NPNT: variants seen among roughly 807,000 people sequenced by gnomAD.
NPNT encodes the protein nephronectin, also known as preosteoblast EGF-like repeat protein with MAM domain.
In NPNT, 45 loss-of-function variants were observed where a neutral mutation model predicts 68.6. That is an observed-to-expected ratio of 0.66 (90% CI 0.52 to 0.84). The LOEUF (loss-of-function observed/expected upper bound fraction) is 0.84, where lower values mean the gene tolerates loss of function less well. NPNT is among the 40% of genes least tolerant of loss of function. NPNT has a pLI of 0.00. For missense variants in NPNT, 672 were observed against 714.8 expected, an observed-to-expected ratio of 0.94 and a Z score of 0.68; for synonymous variants, 233 against 253.3, an observed-to-expected ratio of 0.92 and a Z score of 0.76.
At chr4:105,904,644 C>G (rs1726729158) in intron 2 of NPNT, among the ~76,000 whole-genome samples, 1 of 152,076 alleles carries the variant, frequency 6.6e-6, no homozygotes, top group Non-Finnish European at 1.5e-5. Flanking sequence ...TTAGGAATTG[C>G]TTAATTCATT....
intron 8 of NPNT, 130 bp from the exon 9 acceptor site, chr4:105,958,340 TA>T: frequency 2.1e-6 from 1 of 474,262 alleles, no homozygotes; most frequent in South Asian, 5.6e-5. Context: ...GATATATAAT[TA>T]AATATTTTGG....
In NPNT at chr4:105,970,674, CTCTT is replaced by C. The variant is rs902878068; in HGVS notation, c.*1688_*1691del. 3 of 536,628 alleles carry C rather than the reference CTCTT, an allele frequency of 5.6e-6. No individual in the cohort carries two copies. Among genetic ancestry groups the C allele is most frequent in the East Asian group, 3.6e-5 (1 of 27,656 alleles). The allele number at this position is 536,628 out of a possible 1,614,324, so 33.2% of individuals were successfully genotyped here. On this transcript the variant is annotated 3_prime_UTR_variant, in exon 12 of 12. Transcript: ENST00000379987. ...AGTGTGAAAATCTCAGTATCTCTCT[CTCTT>C]TCTAAAAAATTAGATAAAAATTTGT...
At chr4:105,897,034 T>C (rs1007808511) in intron 1 of NPNT, among the ~76,000 whole-genome samples, 2 of 152,238 alleles carry the variant, frequency 1.3e-5, no homozygotes, top group Non-Finnish European at 2.9e-5. Context: ...ATGCATATGA[T>C]GTGAATGCAT....
At chr4:105,940,871 C>G (rs922287332) in intron 7 of NPNT, among the ~76,000 whole-genome samples, 1 of 152,150 alleles carries the variant, frequency 6.6e-6, no homozygotes, top group African/African-American at 2.4e-5. Context: ...TCACTGAAAT[C>G]TCTCAATATT....
intron 3 of NPNT, among the ~76,000 whole-genome samples, chr4:105,930,222 A>G (rs971925987): frequency 6.6e-6 from 1 of 152,194 alleles, no homozygotes; most frequent in Admixed American, 6.5e-5. Flanking sequence ...TCTGATTTCT[A>G]AGTTCCTGAA....
chr4:105,968,993 A>G lies in NPNT; in HGVS notation c.*3A>G, dbSNP rs752932634. 9 of 1,563,656 alleles carry G rather than the reference A, an allele frequency of 5.8e-6. No homozygotes were observed. The South Asian group carries it at 8.9e-5, about 15-fold the overall frequency. On this transcript the variant is annotated 3_prime_UTR_variant, in exon 12 of 12. Coordinates refer to ENST00000379987, the MANE Select transcript of NPNT (RefSeq NM_001033047.3). ...GCCACTGCTCTGAAGAACGCTAACA[A>G]CTCCAGAACTAACAATGAACTCCTA... is the stretch of plus-strand genomic sequence containing the variant.
chr4:105,934,384 A>C (rs1317958495), intron 3 of NPNT, among the ~76,000 whole-genome samples: 1 of 152,194 alleles, frequency 6.6e-6, no homozygotes, highest in Non-Finnish European at 1.5e-5. Context: ...AGGATGCCAG[A>C]TGCATTTAAT....
At chr4:105,906,857 C>T (rs1449392253) in intron 2 of NPNT, among the ~76,000 whole-genome samples, 1 of 152,080 alleles carries the variant, frequency 6.6e-6, no homozygotes, top group Non-Finnish European at 1.5e-5. Flanking sequence ...AATTCACCAC[C>T]ATTTTGCTAT....
At chr4:105,905,022 C>T (rs1726767437) in intron 2 of NPNT, among the ~76,000 whole-genome samples, 1 of 151,892 alleles carries the variant, frequency 6.6e-6, no homozygotes, top group African/African-American at 2.4e-5. Flanking sequence ...AGGCATGAGA[C>T]ACCGCGCCCG....
At chr4:105,968,747 T>C in intron 11 of NPNT, 148 bp from the exon 12 acceptor site, 1 of 571,842 alleles carries the variant, frequency 1.7e-6, no homozygotes, top group Non-Finnish European at 3.2e-6. Context: ...GAAGCTTCAG[T>C]GATACTGGCA....
intron 11 of NPNT, among the ~76,000 whole-genome samples, chr4:105,968,313 A>G (rs1560548687): frequency 6.6e-6 from 1 of 152,240 alleles, no homozygotes; most frequent in Non-Finnish European, 1.5e-5. Context: ...CAAGATAATC[A>G]TTTTAAATCA....
intron 5 of NPNT, among the ~76,000 whole-genome samples, chr4:105,939,439 A>C (rs2149372042): frequency 6.6e-6 from 1 of 152,226 alleles, no homozygotes; most frequent in Middle Eastern, 3.4e-3. Context: ...ATAATGGGTG[A>C]AGTAGGTGAG....
intron 2 of NPNT, among the ~76,000 whole-genome samples, chr4:105,903,278 A>G (rs1251585342): frequency 1.3e-5 from 2 of 151,952 alleles, no homozygotes; most frequent in African/African-American, 2.4e-5. Context: ...TTGCATTTTG[A>G]GTTAGTTGAA....
At chr4:105,947,218 G>T (rs542335975) in intron 8 of NPNT, among the ~76,000 whole-genome samples, 2 of 152,044 alleles carry the variant, frequency 1.3e-5, no homozygotes, top group East Asian at 1.9e-4. Context: ...CCCTAAAATC[G>T]CTGTTATTGT....
At chr4:105,916,703 A>G (rs955303318) in intron 2 of NPNT, among the ~76,000 whole-genome samples, 1 of 152,128 alleles carries the variant, frequency 6.6e-6, no homozygotes, top group African/African-American at 2.4e-5. Context: ...ACATTGCCCT[A>G]CATTGTGGTT....
In NPNT at chr4:105,927,469, C is replaced by T. The variant is rs763900660; in HGVS notation, c.265+41C>T. ...GACATAAATACACAATCGAAGACAC[C>T]TCTATCACTCCCAAATTAAAAATAT... On this transcript the variant is annotated intron_variant, in intron 3 of 11. Transcript: ENST00000379987. The T allele has an allele frequency of 2.6e-6, 3 of 1,162,018 alleles. No individual in the cohort carries two copies. The Admixed American group carries it at 5.9e-5, about 23-fold the overall frequency. The allele number at this position is 1,162,018 out of a possible 1,614,324, so 72.0% of individuals were successfully genotyped here.
At position 105,970,022 on chromosome 4, in the gene NPNT, G is replaced by T. The variant is rs2149420046; in HGVS notation, c.*1032G>T. The T allele has an allele frequency of 1.1e-5, 2 of 176,706 alleles. No homozygotes were observed. Among genetic ancestry groups the T allele is most frequent in the African/African-American group, 4.7e-5 (2 of 42,324 alleles). 10.9% of individuals were successfully genotyped at this position (176,706 alleles called of 1,614,324 possible). On this transcript the variant is annotated 3_prime_UTR_variant, in exon 12 of 12. Transcript: ENST00000379987. Reference sequence around the variant, plus strand: ...GTTGATTCAGAAAAAGGATCCTGTTGCAGAGTGAGAGGAAGCATAGGGGGA... The same window carrying T: ...GTTGATTCAGAAAAAGGATCCTGTTTCAGAGTGAGAGGAAGCATAGGGGGA...
chr4:105,928,643 A>C (rs980361205), intron 3 of NPNT, among the ~76,000 whole-genome samples: 9 of 151,364 alleles, frequency 5.9e-5, no homozygotes, highest in African/African-American at 1.9e-4. Flanking sequence ...AAAAAAAATC[A>C]TTATTAGGAA....
chr4:105,965,100 A>G (rs1037098979), intron 10 of NPNT, among the ~76,000 whole-genome samples: 1 of 152,182 alleles, frequency 6.6e-6, no homozygotes. Context: ...AAATAAATAA[A>G]CTAACATTTT....
Sources: gnomAD v4.1 joint callset for allele counts (sites outside exome capture counted in the v4.1 genomes callset) on GRCh38, gnomAD v4.1.1 for gene constraint, MANE v1.5 for transcripts, NCBI Gene and HGNC (gene_info 2026-07-23, HGNC 2026-07-21) for gene names.